Variants in ADAM19 observed in about 807,000 individuals in gnomAD.
ADAM19 encodes ADAM metallopeptidase domain 19, also known as disintegrin and metalloproteinase domain-containing protein 19.
Under a neutral mutation model 114.7 loss-of-function variants are expected in ADAM19, and 65 were observed. That is an observed-to-expected ratio of 0.57 (90% CI 0.46 to 0.70). The LOEUF (loss-of-function observed/expected upper bound fraction) is 0.70. ADAM19 is among the 30% of genes least tolerant of loss of function. The probability of loss-of-function intolerance (pLI) is 0.00; values close to 1 mark genes in which losing one functional copy is unlikely to be tolerated. For missense variants in ADAM19, 1,063 were observed against 1,204.7 expected (o/e 0.88, Z 1.74); for synonymous variants, 466 against 460.5 (o/e 1.01, Z -0.15).
chr5:157,572,332 C>T (rs7719224), intron 1 of ADAM19: 67,553 of 448,724 alleles, frequency 0.15, 5,591 homozygotes, highest in Middle Eastern at 0.24. Flanking sequence ...GAGATTTGTT[C>T]AGGGCGCTGC....
intron 3 of ADAM19, among the ~76,000 whole-genome samples, chr5:157,541,757 G>A (rs1160513841): frequency 2.0e-5 from 3 of 152,264 alleles, no homozygotes; most frequent in East Asian, 1.9e-4. Flanking sequence ...TCTATTTATC[G>A]TCAGACAAAT....
At chr5:157,482,032 G>T in intron 21 of ADAM19, 89 bp from the exon 22 acceptor site, 2 of 1,106,948 alleles carry the variant, frequency 1.8e-6, no homozygotes, top group Non-Finnish European at 2.6e-6. Context: ...AAATCAGATA[G>T]ATAAAAGTTA....
intron 11 of ADAM19, among the ~76,000 whole-genome samples, chr5:157,505,183 C>T (rs1295993662): frequency 6.6e-6 from 1 of 151,170 alleles, no homozygotes; most frequent in Non-Finnish European, 1.5e-5. Context: ...CACCCTGTTC[C>T]TCATGGGTAA....
chr5:157,499,693 G>C (rs761698125), intron 12 of ADAM19, 31 bp from the exon 13 acceptor site: 5 of 1,494,060 alleles, frequency 3.3e-6, no homozygotes, highest in Non-Finnish European at 4.6e-6. Flanking sequence ...GTGTGAGTGG[G>C]GGAGGGCCTT....
At chr5:157,508,356 C>G (rs1292655997) in intron 9 of ADAM19, among the ~76,000 whole-genome samples, 2 of 152,226 alleles carry the variant, frequency 1.3e-5, no homozygotes, top group African/African-American at 4.8e-5. Context: ...CGCCTATAAT[C>G]CCAGCATTTT....
chr5:157,551,427 A>AAG (rs1450784753), intron 3 of ADAM19, among the ~76,000 whole-genome samples: 1 of 151,184 alleles, frequency 6.6e-6, no homozygotes, highest in Non-Finnish European at 1.5e-5. Context: ...AAAAAAAAAA[A>AAG]AAAAGACCAA....
At chr5:157,535,473 G>A (rs58862980) in intron 4 of ADAM19, among the ~76,000 whole-genome samples, 1,537 of 152,314 alleles carry the variant, frequency 0.01, 35 homozygotes, top group African/African-American at 0.036. Context: ...TCCCAAATGG[G>A]AAGTCTGACT....
chr5:157,519,844 G>A lies in ADAM19; in HGVS notation c.595C>T (p.Arg199Cys), dbSNP rs202171443. Reference sequence around the variant, plus strand: ...CTGAGAGCCTCAAAACTCACCCTGCGAGGTCGCTTCTTGGTCTGTTGTGTA... The same window carrying A: ...CTGAGAGCCTCAAAACTCACCCTGCAAGGTCGCTTCTTGGTCTGTTGTGTA... Reference protein sequence around the residue: ...QFTQQTKKRPRRMKREDLNSM... With the variant: ...QFTQQTKKRPCRMKREDLNSM... The change falls in exon 6 of 23, where the codon CGC (arginine) becomes TGC (cysteine). Residue 199 changes from arginine (R) to cysteine (C), a missense_variant. This residue lies in a region of ADAM19 where 615 missense variants were observed against 706.3 expected (regional missense o/e 0.87). Coordinates refer to ENST00000257527, the MANE Select transcript of ADAM19 (RefSeq NM_033274.5). The A allele has an allele frequency of 1.8e-4, 297 of 1,609,776 alleles. No individual in the cohort carries two copies. Among genetic ancestry groups the A allele is most frequent in the Non-Finnish European group, 2.2e-4 (260 of 1,177,042 alleles).
intron 3 of ADAM19, among the ~76,000 whole-genome samples, chr5:157,541,452 G>A (rs1756915502): frequency 6.6e-6 from 1 of 152,166 alleles, no homozygotes; most frequent in Admixed American, 6.5e-5. Flanking sequence ...GAAATCAGTA[G>A]GACACTCTGC....
chr5:157,496,331 T>C (rs1755363138), intron 14 of ADAM19, among the ~76,000 whole-genome samples: 1 of 152,238 alleles, frequency 6.6e-6, no homozygotes. Flanking sequence ...GTTGTTGCTA[T>C]GGCTAACAAT....
intron 1 of ADAM19, among the ~76,000 whole-genome samples, chr5:157,572,819 G>A (rs1757869643): frequency 6.6e-6 from 1 of 152,212 alleles, no homozygotes; most frequent in Non-Finnish European, 1.5e-5. Flanking sequence ...GAGGTCCGAG[G>A]TGGGCGGATC....
intron 20 of ADAM19, 57 bp from the exon 21 acceptor site, chr5:157,488,546 T>A: frequency 7.2e-7 from 1 of 1,381,700 alleles, no homozygotes. Context: ...GCTGGCCTTG[T>A]GTGTCTCTTT....
rs925358170 is a variant in ADAM19, at chr5:157,487,256, T to G, written c.2550+1009A>C. ...TGTCAATCTTTCCTCTCTTTCTGCA[T>G]GGATTTTTCCATCCTACCTCTGCCC... On this transcript the variant is annotated intron_variant, in intron 21 of 22. Transcript: ENST00000257527. Among the ~76,000 whole-genome samples the G allele has an allele frequency of 2.6e-5, 4 of 152,278 alleles. No individual in the cohort carries two copies. In the East Asian group the frequency reaches 7.7e-4, roughly 29 times the overall value.
intron 2 of ADAM19, among the ~76,000 whole-genome samples, chr5:157,569,465 C>T (rs1757766282): frequency 6.8e-6 from 1 of 146,092 alleles, no homozygotes; most frequent in South Asian, 2.2e-4. Context: ...AGTATGGTGC[C>T]CCAGGCTGGT....
At chr5:157,524,721 A>G (rs1756405099) in intron 5 of ADAM19, among the ~76,000 whole-genome samples, 1 of 152,226 alleles carries the variant, frequency 6.6e-6, no homozygotes, top group African/African-American at 2.4e-5. Flanking sequence ...GTGCCCCCAT[A>G]TAGCACCTGG....
At chr5:157,563,355 G>A (rs139024761) in intron 3 of ADAM19, among the ~76,000 whole-genome samples, 17 of 152,282 alleles carry the variant, frequency 1.1e-4, no homozygotes, top group Non-Finnish European at 1.5e-4. Context: ...AACCACACTC[G>A]GGACAGCACT....
rs552429520 is a variant in ADAM19, at chr5:157,537,176, G to A, written c.330+737C>T. Among the ~76,000 whole-genome samples, 150 of 152,252 alleles carry A rather than the reference G, an allele frequency of 9.9e-4. 1 individual carries two copies. The highest frequency in any genetic ancestry group is 1.4e-3 in the Non-Finnish European group (94 of 68,014). On this transcript the variant is annotated intron_variant, in intron 4 of 22. Transcript: ENST00000257527. Reference sequence around the variant, plus strand: ...AGGTGTCCCTCGGGGTCGGGGCAACGCCATTGGTTCTCCTGGTTGAGAATC... The same window carrying A: ...AGGTGTCCCTCGGGGTCGGGGCAACACCATTGGTTCTCCTGGTTGAGAATC...
At chr5:157,569,710 G>GTCTTTCCTGACACATC (rs1419575331) in intron 2 of ADAM19, among the ~76,000 whole-genome samples, 2 of 152,068 alleles carry the variant, frequency 1.3e-5, no homozygotes, top group African/African-American at 4.8e-5. Context: ...AATGTCTGAA[G>GTCTTTCCTGACACATC]TCTTTCCTGA....
At chr5:157,568,762 A>C (rs973650833) in intron 2 of ADAM19, 2 of 152,330 alleles carry the variant, frequency 1.3e-5, no homozygotes, top group East Asian at 3.9e-4. Flanking sequence ...TAATGAGTGA[A>C]TTAATTATAT....
Sources: gnomAD v4.1 joint callset for allele counts (sites outside exome capture counted in the v4.1 genomes callset) on GRCh38, gnomAD v4.1.1 for gene constraint, gnomAD v4.1.1 regional missense constraint, MANE v1.5 for transcripts, NCBI Gene and HGNC (gene_info 2026-07-23, HGNC 2026-07-21) for gene names.